The following LINGO2 variants were observed in gnomAD, a reference collection of about 807,000 sequenced individuals.
LINGO2 encodes the protein leucine-rich repeat and immunoglobulin-like domain-containing nogo receptor-interacting protein 2.
Under a neutral mutation model 30.6 loss-of-function variants are expected in LINGO2, and 14 were observed. The ratio of observed to expected loss-of-function variants is 0.46; its 90% CI spans 0.30 to 0.72. The LOEUF (loss-of-function observed/expected upper bound fraction) is 0.72, where lower values mean the gene tolerates loss of function less well. Ranked by LOEUF, LINGO2 falls within the 30% of genes least tolerant of loss-of-function variation. The pLI is 0.07. For missense variants in LINGO2, 729 were observed against 751.7 expected (o/e 0.97, Z 0.35); for synonymous variants, 317 against 288.5 (o/e 1.10, Z -1.00).
At chr9:28,519,761 T>C (rs1820761564) in intron 1 of LINGO2, among the ~76,000 whole-genome samples, 1 of 152,190 alleles carries the variant, frequency 6.6e-6, no homozygotes, top group Non-Finnish European at 1.5e-5. Flanking sequence ...ACTGGGGTTT[T>C]TGACAGAGAA....
intron 4 of LINGO2, among the ~76,000 whole-genome samples, chr9:28,257,500 G>A (rs55767435): frequency 0.017 from 2,626 of 151,926 alleles, 42 homozygotes; most frequent in African/African-American, 0.04. Context: ...ACTAGAAGTC[G>A]CTAATTCAGA....
At chr9:28,087,798 T>A (rs185622014) in intron 4 of LINGO2, among the ~76,000 whole-genome samples, 15 of 152,184 alleles carry the variant, frequency 9.9e-5, no homozygotes, top group Admixed American at 6.6e-4. Context: ...CAGATTTGTG[T>A]GTTCACATTT....
At chr9:28,523,894 CTTTT>C (rs1165400056) in intron 1 of LINGO2, among the ~76,000 whole-genome samples, 1 of 138,354 alleles carries the variant, frequency 7.2e-6, no homozygotes, top group African/African-American at 2.6e-5. Context: ...ACACAGTTGG[CTTTT>C]TTTTTTTTTA....
the LINGO2 span, among the ~76,000 whole-genome samples, chr9:29,017,967 T>C: frequency 6.6e-6 from 1 of 151,134 alleles, no homozygotes; most frequent in African/African-American, 2.4e-5. Flanking sequence ...AAGACAAGGC[T>C]TACAACTTAG....
At chr9:28,946,748 A>G in the LINGO2 span, among the ~76,000 whole-genome samples, 1 of 152,138 alleles carries the variant, frequency 6.6e-6, no homozygotes, top group Admixed American at 6.6e-5. Context: ...TAGACATGGT[A>G]TCTGCTCCCA....
chr9:28,064,153 A>G (rs1825239067), intron 4 of LINGO2, among the ~76,000 whole-genome samples: 1 of 152,184 alleles, frequency 6.6e-6, no homozygotes, highest in African/African-American at 2.4e-5. Context: ...GCAGTGGCAT[A>G]ACATCAGAGA....
chr9:28,404,984 T>C (rs1822438576), intron 2 of LINGO2, among the ~76,000 whole-genome samples: 1 of 151,718 alleles, frequency 6.6e-6, no homozygotes, highest in Admixed American at 6.6e-5. Context: ...GACTGAGGAA[T>C]TTCATTTGGA....
At chr9:28,788,867 G>A in the LINGO2 span, among the ~76,000 whole-genome samples, 1 of 152,150 alleles carries the variant, frequency 6.6e-6, no homozygotes, top group African/African-American at 2.4e-5. Context: ...AGATTTGGGT[G>A]AGGACACAAA....
chr9:28,519,542 C>T (rs1469398861), intron 1 of LINGO2, among the ~76,000 whole-genome samples: 1 of 152,168 alleles, frequency 6.6e-6, no homozygotes, highest in Admixed American at 6.5e-5. Context: ...ATCCTCTGTA[C>T]TGTGGTTGCT....
intron 4 of LINGO2, among the ~76,000 whole-genome samples, chr9:28,033,629 T>C (rs1457849397): frequency 6.6e-6 from 1 of 152,160 alleles, no homozygotes; most frequent in Non-Finnish European, 1.5e-5. Context: ...ATTTTGAGGA[T>C]GGATTACTTT....
At chr9:29,140,757 G>A in the LINGO2 span, among the ~76,000 whole-genome samples, 1 of 151,868 alleles carries the variant, frequency 6.6e-6, no homozygotes, top group Admixed American at 6.6e-5. Flanking sequence ...AAGATAAAGT[G>A]AGAATTCTGA....
the LINGO2 span, among the ~76,000 whole-genome samples, chr9:29,007,799 C>A: frequency 6.6e-6 from 1 of 152,042 alleles, no homozygotes; most frequent in Non-Finnish European, 1.5e-5. Flanking sequence ...GTTTAAAGTG[C>A]AAGTGAATAT....
At chr9:28,034,864 C>G (rs1259120504) in intron 4 of LINGO2, among the ~76,000 whole-genome samples, 4 of 152,304 alleles carry the variant, frequency 2.6e-5, no homozygotes, top group South Asian at 4.1e-4. Flanking sequence ...CAGAAGCAAA[C>G]CAAAATACCA....
intron 1 of LINGO2, among the ~76,000 whole-genome samples, chr9:28,478,925 G>A (rs1825827637): frequency 6.6e-6 from 1 of 151,802 alleles, no homozygotes; most frequent in Non-Finnish European, 1.5e-5. Context: ...ACTTTTCTGT[G>A]CTTTTTTCTA....
At chr9:28,538,356 A>T (rs1821524030) in intron 1 of LINGO2, among the ~76,000 whole-genome samples, 1 of 152,154 alleles carries the variant, frequency 6.6e-6, no homozygotes, top group African/African-American at 2.4e-5. Flanking sequence ...GAGACTGGTG[A>T]TTGAATTTAA....
the LINGO2 span, among the ~76,000 whole-genome samples, chr9:28,779,418 T>C: frequency 2.6e-5 from 4 of 152,286 alleles, no homozygotes; most frequent in African/African-American, 4.8e-5. Flanking sequence ...ACAGTTCAGA[T>C]TGCAAAACAT....
chr9:29,199,829 A>C, the LINGO2 span, among the ~76,000 whole-genome samples: 1 of 152,112 alleles, frequency 6.6e-6, no homozygotes, highest in African/African-American at 2.4e-5. Flanking sequence ...TGAATGAAAA[A>C]TAGTGAAAGC....
At chr9:29,181,843 CA>C in the LINGO2 span, among the ~76,000 whole-genome samples, 1 of 152,048 alleles carries the variant, frequency 6.6e-6, no homozygotes, top group Non-Finnish European at 1.5e-5. Flanking sequence ...TATTAATTAC[CA>C]TAGACAACAA....
At chr9:29,014,745 G>A in the LINGO2 span, among the ~76,000 whole-genome samples, 1 of 152,128 alleles carries the variant, frequency 6.6e-6, no homozygotes, top group Non-Finnish European at 1.5e-5. Context: ...GGGAAGCTGG[G>A]GACTTGGTAC....
Sources: gnomAD v4.1 joint callset for allele counts (sites outside exome capture counted in the v4.1 genomes callset) on GRCh38, gnomAD v4.1.1 for gene constraint, MANE v1.5 for transcripts, NCBI Gene and HGNC (gene_info 2026-07-23, HGNC 2026-07-21) for gene names.